Variants in CRMP1 observed in about 807,000 individuals in gnomAD.
The protein encoded by CRMP1 is collapsin response mediator protein 1.
CRMP1 carries 19 observed loss-of-function variants against 68.3 expected under a neutral mutation model. The observed-to-expected ratio is 0.28, with a 90% CI of 0.19 to 0.41. The LOEUF (loss-of-function observed/expected upper bound fraction) is 0.41. Among genes scored for constraint, CRMP1 ranks in the 10% least tolerant of loss-of-function variants. The probability of loss-of-function intolerance (pLI) is 1.00; values close to 1 mark genes in which losing one functional copy is unlikely to be tolerated. For synonymous variants in CRMP1, 439 were observed against 399.6 expected (o/e 1.10, Z -1.18); for missense variants, 791 against 967.4 (o/e 0.82, Z 2.42).
In CRMP1 at chr4:5,889,932, C is replaced by A; in HGVS notation, c.381+2657G>T. ...AGGCATAATTTTCCCATTTTACAGA[C>A]AGGAAATTGAGGCTTACAGAGGTAA... On this transcript the variant is annotated intron_variant, in intron 1 of 13. Transcript: ENST00000324989. The surrounding 1 kb of genome is among the most constrained non-coding windows in gnomAD (Gnocchi z 4.5). The A allele has an allele frequency of 7.3e-7, 1 of 1,371,278 alleles. No homozygotes were observed. Among genetic ancestry groups the A allele is most frequent in the Non-Finnish European group, 9.4e-7 (1 of 1,059,770 alleles). The allele number at this position is 1,371,278 out of a possible 1,614,324, so 84.9% of individuals were successfully genotyped here.
At position 5,890,425 on chromosome 4, in the gene CRMP1, G is replaced by C. The variant is rs960034299; in HGVS notation, c.381+2164C>G. 6.6e-6 allele frequency among the ~76,000 whole-genome samples: 1 copy of C among 150,796 alleles called. No homozygotes were observed. The highest frequency in any genetic ancestry group is 2.1e-4 in the South Asian group (1 of 4,808). ...CAGCCCAGGGAGAAGCCTGGTGGGC[G>C]GGGGGGGAAGGGCCGGGGCACCCGT... On this transcript the variant is annotated intron_variant, in intron 1 of 13. Transcript: ENST00000324989. This position sits in a 1 kb window ranked among gnomAD's most constrained non-coding sequence, Gnocchi z 5.5.
At position 5,853,342 on chromosome 4, in the gene CRMP1, G is replaced by A. The variant is rs1463136509; in HGVS notation, c.821-1873C>T. On this transcript the variant is annotated intron_variant, in intron 4 of 13. Coordinates refer to ENST00000324989, the MANE Select transcript of CRMP1 (RefSeq NM_001014809.3). This position sits in a 1 kb window ranked among gnomAD's most constrained non-coding sequence, Gnocchi z 4.7. ...GGGGAAGAATCACTTTAACCTGGGAGGCAGTGAGCTGAGATCTCGCCATTG... is the reference window on the plus strand; with the variant it reads ...GGGGAAGAATCACTTTAACCTGGGAAGCAGTGAGCTGAGATCTCGCCATTG... 1.3e-5 allele frequency among the ~76,000 whole-genome samples: 2 copies of A among 152,184 alleles called. No individual in the cohort carries two copies. The highest frequency in any genetic ancestry group is 2.9e-5 in the Non-Finnish European group (2 of 68,032).
chr4:5,837,188 G>C lies in CRMP1; in HGVS notation c.1311-282C>G, dbSNP rs7654618. Among the ~76,000 whole-genome samples, 1,372 of 152,314 alleles carry C rather than the reference G, an allele frequency of 9.0e-3. 22 individuals carry two copies. The highest frequency in any genetic ancestry group is 0.031 in the African/African-American group (1,286 of 41,552). On this transcript the variant is annotated intron_variant, in intron 9 of 13. Coordinates refer to ENST00000324989, the MANE Select transcript of CRMP1 (RefSeq NM_001014809.3). ...GGCTTAAGGGCTGGCCAGAGTGTTT[G>C]TGCTGTGCTTGCAGAACAAACACTA...
In CRMP1 at chr4:5,853,589, G is replaced by T. The variant is rs545494199; in HGVS notation, c.821-2120C>A. 6.6e-6 allele frequency among the ~76,000 whole-genome samples: 1 copy of T among 152,148 alleles called. No individual in the cohort carries two copies. Among genetic ancestry groups the T allele is most frequent in the Non-Finnish European group, 1.5e-5 (1 of 68,030 alleles). ...CATATGCTTCAGCAGTCCCACTACC[G>T]GCTGAAAATCCAAAGGAATTGAAAT... On this transcript the variant is annotated intron_variant, in intron 4 of 13. Transcript: ENST00000324989. This position sits in a 1 kb window ranked among gnomAD's most constrained non-coding sequence, Gnocchi z 4.7.
rs1380975454 is a variant in CRMP1 at position 5,879,637 on chromosome 4, C to A, written c.382-12881G>T. 6.6e-6 allele frequency among the ~76,000 whole-genome samples: 1 copy of A among 152,216 alleles called. No individual in the cohort carries two copies. The highest frequency in any genetic ancestry group is 1.5e-5 in the Non-Finnish European group (1 of 68,046). The stretch of plus-strand genomic sequence containing the variant: ...GTAAAAGCACCCAATACACTGAACA[C>A]TGTCCTATGAAGTTTAACATTCTAT... On this transcript the variant is annotated intron_variant, in intron 1 of 13. Transcript: ENST00000324989. This position sits in a 1 kb window ranked among gnomAD's most constrained non-coding sequence, Gnocchi z 4.2.
chr4:5,849,310 C>T, intron 6 of CRMP1, 82 bp downstream of exon 6: 1 of 1,149,552 alleles, frequency 8.7e-7, no homozygotes, highest in South Asian at 1.3e-5. Flanking sequence ...AGCCTCCTCA[C>T]TAACCAATGC....
chr4:5,849,557 C>T, intron 5 of CRMP1, 85 bp from the exon 6 acceptor site: 1 of 883,646 alleles, frequency 1.1e-6, no homozygotes. Context: ...CCGTTCCGAT[C>T]ACACCCATTC....
rs537710482 is a variant in CRMP1 at position 5,864,222 on chromosome 4, G to C, written c.470+2446C>G. Among the ~76,000 whole-genome samples the C allele has an allele frequency of 2.0e-5, 3 of 152,206 alleles. No individual in the cohort carries two copies. In the South Asian group the frequency reaches 6.2e-4, roughly 32 times the overall value. Reference sequence around the variant, plus strand: ...GCCTGGCCCAGGAAGGACGGGGGTGGGTGTGGTCAGATCAAACTTCTAGCA... The same window carrying C: ...GCCTGGCCCAGGAAGGACGGGGGTGCGTGTGGTCAGATCAAACTTCTAGCA... On this transcript the variant is annotated intron_variant, in intron 2 of 13. Transcript: ENST00000324989.
At position 5,890,945 on chromosome 4, in the gene CRMP1, G is replaced by C. The variant is rs1369888834; in HGVS notation, c.381+1644C>G. Among the ~76,000 whole-genome samples, 1 of 152,126 alleles carries C rather than the reference G, an allele frequency of 6.6e-6. No homozygotes were observed. Among genetic ancestry groups the C allele is most frequent in the African/African-American group, 2.4e-5 (1 of 41,446 alleles). On this transcript the variant is annotated intron_variant, in intron 1 of 13. Coordinates refer to ENST00000324989, the MANE Select transcript of CRMP1 (RefSeq NM_001014809.3). This position sits in a 1 kb window ranked among gnomAD's most constrained non-coding sequence, Gnocchi z 5.5. The stretch of plus-strand genomic sequence containing the variant: ...CCATCTGACAGATGGAGAAGCTGAG[G>C]CCCAAGAGAGCAAAGCGCCTTGGCT...
chr4:5,888,114 G>C lies in CRMP1; in HGVS notation c.381+4475C>G, dbSNP rs963944636. On this transcript the variant is annotated intron_variant, in intron 1 of 13. Transcript: ENST00000324989. The surrounding 1 kb of genome is among the most constrained non-coding windows in gnomAD (Gnocchi z 6.4). The stretch of plus-strand genomic sequence containing the variant: ...CCGGCCCCGCCCCACCCGCGGCGAC[G>C]CAGGAGGCCTCGGGGGGCGCCCCTG... 8.5e-7 allele frequency: 1 copy of C among 1,172,446 alleles called. No individual in the cohort carries two copies. The highest frequency in any genetic ancestry group is 4.3e-5 in the Admixed American group (1 of 23,146). The allele number at this position is 1,172,446 out of a possible 1,614,324, so 72.6% of individuals were successfully genotyped here. A position where few individuals can be genotyped will look rare whatever the true frequency, so the allele number is the denominator to read the frequency against.
chr4:5,841,172 G>C lies in CRMP1; in HGVS notation c.1153+136C>G. The C allele has an allele frequency of 7.6e-7, 1 of 1,310,554 alleles. No individual in the cohort carries two copies. Among genetic ancestry groups the C allele is most frequent in the East Asian group, 2.3e-5 (1 of 43,224 alleles). The allele number at this position is 1,310,554 out of a possible 1,614,324, so 81.2% of individuals were successfully genotyped here. The stretch of plus-strand genomic sequence containing the variant: ...CCAAAGAATTCCAGCCACCATCCTT[G>C]TGTCAGGAGCATCCCCGCTCCACCC... On this transcript the variant is annotated intron_variant, in intron 8 of 13. Coordinates refer to ENST00000324989, the MANE Select transcript of CRMP1 (RefSeq NM_001014809.3). The surrounding 1 kb of genome is among the most constrained non-coding windows in gnomAD (Gnocchi z 6.9).
Position 5,879,144 on chromosome 4 carries a change from T to TCCCGGCCTGAG in CRMP1, c.382-12399_382-12389dup, listed in dbSNP as rs1408769698. On this transcript the variant is annotated intron_variant, in intron 1 of 13. Coordinates refer to ENST00000324989, the MANE Select transcript of CRMP1 (RefSeq NM_001014809.3). The surrounding 1 kb of genome is among the most constrained non-coding windows in gnomAD (Gnocchi z 4.2). The stretch of plus-strand genomic sequence containing the variant: ...GGACAAAGCTCACCTCCTAGGCTCT[T>TCCCGGCCTGAG]CCCGGCCTGAGCCCGGCCCTCTCTC... 2.0e-5 allele frequency among the ~76,000 whole-genome samples: 3 copies of TCCCGGCCTGAG among 150,862 alleles called. No individual in the cohort carries two copies. Among genetic ancestry groups the TCCCGGCCTGAG allele is most frequent in the Non-Finnish European group, 3.0e-5 (2 of 67,632 alleles).
chr4:5,842,403 TG>T lies in CRMP1; in HGVS notation c.1032+689del, dbSNP rs1309692384. On this transcript the variant is annotated intron_variant, in intron 7 of 13. Transcript: ENST00000324989. This position sits in a 1 kb window ranked among gnomAD's most constrained non-coding sequence, Gnocchi z 4.5. ...GAGATCATACCACTGCACTGTAGCC[TG>T]GGCAACAGAGAGAGACTCCATCTCA... Among the ~76,000 whole-genome samples, 3 of 133,934 alleles carry T rather than the reference TG, an allele frequency of 2.2e-5. No individual in the cohort carries two copies. The East Asian group carries it at 6.5e-4, about 29-fold the overall frequency. 87.9% of individuals were successfully genotyped at this position (133,934 alleles called of 152,430 possible).
Position 5,877,676 on chromosome 4 carries a change from G to A in CRMP1, c.382-10920C>T, listed in dbSNP as rs1254496935. Among the ~76,000 whole-genome samples the A allele has an allele frequency of 6.6e-6, 1 of 152,144 alleles. No homozygotes were observed. Among genetic ancestry groups the A allele is most frequent in the Non-Finnish European group, 1.5e-5 (1 of 68,034 alleles). ...CCCTCTCACGGGTAGGGGACAGGGC[G>A]GCTTTCCCCCTTTCATGAATGGGAG... On this transcript the variant is annotated intron_variant, in intron 1 of 13. Coordinates refer to ENST00000324989, the MANE Select transcript of CRMP1 (RefSeq NM_001014809.3). This position sits in a 1 kb window ranked among gnomAD's most constrained non-coding sequence, Gnocchi z 4.3.
In CRMP1 at chr4:5,834,724, T is replaced by C. The variant is rs1476403918; in HGVS notation, c.1623+1191A>G. Among the ~76,000 whole-genome samples the C allele has an allele frequency of 1.3e-5, 2 of 151,896 alleles. No individual in the cohort carries two copies. Among genetic ancestry groups the C allele is most frequent in the Non-Finnish European group, 2.9e-5 (2 of 67,982 alleles). Reference sequence around the variant, plus strand: ...AAATAATTCATAATAAATAATAGAATTGCAAGCCCTGCTGGACTGTACATG... The same window carrying C: ...AAATAATTCATAATAAATAATAGAACTGCAAGCCCTGCTGGACTGTACATG... On this transcript the variant is annotated intron_variant, in intron 11 of 13. Transcript: ENST00000324989. This position sits in a 1 kb window ranked among gnomAD's most constrained non-coding sequence, Gnocchi z 4.3.
At position 5,851,786 on chromosome 4, in the gene CRMP1, C is replaced by T. The variant is rs184958439; in HGVS notation, c.821-317G>A. On this transcript the variant is annotated intron_variant, in intron 4 of 13. Coordinates refer to ENST00000324989, the MANE Select transcript of CRMP1 (RefSeq NM_001014809.3). ...AGGATGAAGAGGAGGAGAAAGAGGACAAGGAGGAAGAGGAAGAGGAGGAAA... is the reference window on the plus strand; with the variant it reads ...AGGATGAAGAGGAGGAGAAAGAGGATAAGGAGGAAGAGGAAGAGGAGGAAA... Among the ~76,000 whole-genome samples the T allele has an allele frequency of 1.1e-4, 13 of 120,948 alleles. No individual in the cohort carries two copies. In the East Asian group the frequency reaches 2.4e-3, roughly 23 times the overall value. 79.3% of individuals were successfully genotyped at this position (120,948 alleles called of 152,430 possible).
chr4:5,863,901 C>G (rs1001423977), intron 2 of CRMP1, among the ~76,000 whole-genome samples: 1 of 152,172 alleles, frequency 6.6e-6, no homozygotes, highest in African/African-American at 2.4e-5. Context: ...AATAAACACC[C>G]AAGGGCCCTG....
At chr4:5,871,629 C>T (rs986382696) in intron 1 of CRMP1, among the ~76,000 whole-genome samples, 6 of 152,018 alleles carry the variant, frequency 3.9e-5, no homozygotes, top group Non-Finnish European at 8.8e-5. Context: ...CACTGCACTC[C>T]AGCCTGGGCA....
rs1713272258 is a variant in CRMP1 at position 5,858,164 on chromosome 4, T to A, written c.656-1857A>T. Among the ~76,000 whole-genome samples, 1 of 152,122 alleles carries A rather than the reference T, an allele frequency of 6.6e-6. No individual in the cohort carries two copies. The highest frequency in any genetic ancestry group is 2.4e-5 in the African/African-American group (1 of 41,416). On this transcript the variant is annotated intron_variant, in intron 3 of 13. Transcript: ENST00000324989. This position sits in a 1 kb window ranked among gnomAD's most constrained non-coding sequence, Gnocchi z 5.5. The stretch of plus-strand genomic sequence containing the variant: ...CAGCTTCCATGGCAACGCCACCTTC[T>A]GGCTTTTTCGTTCCTTTGTCCTACT...
Sources: gnomAD v4.1 joint callset for allele counts (sites outside exome capture counted in the v4.1 genomes callset) on GRCh38, gnomAD v4.1.1 for gene constraint, Gnocchi (gnomAD v3.1) non-coding constraint, MANE v1.5 for transcripts, NCBI Gene and HGNC (gene_info 2026-07-23, HGNC 2026-07-21) for gene names.